Variants in GAD2 observed in about 807,000 individuals in gnomAD.
GAD2 encodes glutamate decarboxylase 2.
GAD2 carries 22 observed loss-of-function variants against 80.1 expected under a neutral mutation model. The observed-to-expected ratio is 0.27, with a 90% confidence interval of 0.20 to 0.39. The LOEUF (loss-of-function observed/expected upper bound fraction) is 0.39, where lower values mean the gene tolerates loss of function less well. Among genes scored for constraint, GAD2 ranks in the 10% least tolerant of loss-of-function variants. The pLI is 1.00. For missense variants in GAD2, 624 were observed against 738.4 expected (o/e 0.85, Z 1.80); for synonymous variants, 274 against 256.9 (o/e 1.07, Z -0.64).
intron 4 of GAD2, among the ~76,000 whole-genome samples, chr10:26,219,520 A>G (rs1844427213): frequency 1.3e-5 from 2 of 152,220 alleles, no homozygotes; most frequent in African/African-American, 4.8e-5. Flanking sequence ...ATCAGATTTT[A>G]CGTTGCATGT....
At chr10:26,240,325 C>T (rs1844724597) in intron 7 of GAD2, among the ~76,000 whole-genome samples, 1 of 152,210 alleles carries the variant, frequency 6.6e-6, no homozygotes, top group Admixed American at 6.5e-5. Flanking sequence ...TGAATATTCT[C>T]ATCCCACTCA....
chr10:26,253,877 C>A (rs1414203586), intron 8 of GAD2, among the ~76,000 whole-genome samples: 1 of 151,982 alleles, frequency 6.6e-6, no homozygotes, highest in Non-Finnish European at 1.5e-5. Flanking sequence ...ACCAGGTCCC[C>A]AACCTTTTTG....
chr10:26,279,230 A>G (rs977024253), intron 11 of GAD2, among the ~76,000 whole-genome samples: 2 of 152,202 alleles, frequency 1.3e-5, no homozygotes, highest in African/African-American at 4.8e-5. Context: ...GAGAAGCCGC[A>G]GAAGTTAAAC....
At chr10:26,221,860 A>C (rs2132270864) in intron 4 of GAD2, among the ~76,000 whole-genome samples, 3 of 152,304 alleles carry the variant, frequency 2.0e-5, no homozygotes, top group Middle Eastern at 3.4e-3. Context: ...CAGGGTGGCG[A>C]CAGCAGCAGG....
At chr10:26,289,793 C>CTT (rs35001308) in intron 13 of GAD2, among the ~76,000 whole-genome samples, 24 of 135,948 alleles carry the variant, frequency 1.8e-4, no homozygotes, top group African/African-American at 5.6e-4. Context: ...TCCCCCCCAC[C>CTT]TTTTTTTTTT....
At chr10:26,229,623 A>T in intron 6 of GAD2, 39 bp from the exon 7 acceptor site, 1 of 1,402,184 alleles carries the variant, frequency 7.1e-7, no homozygotes, top group South Asian at 1.2e-5. Context: ...AATGAGGTTG[A>T]TAATAAATAA....
intron 7 of GAD2, among the ~76,000 whole-genome samples, chr10:26,245,594 C>A (rs1488755433): frequency 6.6e-6 from 1 of 151,670 alleles, no homozygotes; most frequent in Non-Finnish European, 1.5e-5. Flanking sequence ...CCCGCCACCA[C>A]ACCCGGCTAA....
chr10:26,254,032 GAATT>G (rs755426327), intron 8 of GAD2, among the ~76,000 whole-genome samples: 3 of 152,122 alleles, frequency 2.0e-5, no homozygotes, highest in Middle Eastern at 3.4e-3. Context: ...TCTTTTAATT[GAATT>G]AATTAATTTA....
chr10:26,221,881 C>T (rs1234440145), intron 4 of GAD2, among the ~76,000 whole-genome samples: 2 of 152,210 alleles, frequency 1.3e-5, no homozygotes, highest in Admixed American at 6.5e-5. Context: ...AGGCCAAGGG[C>T]TGCAGGGACA....
chr10:26,247,380 G>A (rs190708940), intron 8 of GAD2, among the ~76,000 whole-genome samples: 7 of 144,540 alleles, frequency 4.8e-5, no homozygotes, highest in South Asian at 2.1e-4. Flanking sequence ...CTCCTATCTC[G>A]TGACTTAGAA....
chr10:26,223,920 GT>G lies in GAD2; in HGVS notation c.557del (p.Leu186TrpfsTer6). On this transcript the variant is annotated frameshift_variant, in exon 5 of 16. Transcript: ENST00000376261. LOFTEE classifies it high-confidence loss of function. ...AGATACTTCAATCAACTTTCTACTG[GT>G]TTGGATATGGTTGGATTAGCAGCAG... ...HPRYFNQLST[G>X]LDMVGLAADW... The G allele has an allele frequency of 6.2e-7, 1 of 1,609,654 alleles. No homozygotes were observed. The highest frequency in any genetic ancestry group is 8.5e-7 in the Non-Finnish European group (1 of 1,178,632).
chr10:26,222,875 A>G (rs966150889), intron 4 of GAD2, among the ~76,000 whole-genome samples: 4 of 152,362 alleles, frequency 2.6e-5, no homozygotes, highest in African/African-American at 9.6e-5. Context: ...GGCTTCAGAC[A>G]GATGTCCAGG....
intron 7 of GAD2, among the ~76,000 whole-genome samples, chr10:26,240,484 T>C (rs1270905879): frequency 6.6e-6 from 1 of 152,116 alleles, no homozygotes; most frequent in Non-Finnish European, 1.5e-5. Flanking sequence ...GAAATTACTC[T>C]TCCTTGGGAG....
chr10:26,247,808 A>G (rs556521955), intron 8 of GAD2, among the ~76,000 whole-genome samples: 71 of 150,094 alleles, frequency 4.7e-4, no homozygotes, highest in African/African-American at 1.6e-3. Context: ...ACACAGGAGA[A>G]TCGCTTGAAC....
Position 26,286,464 on chromosome 10 carries a change from T to C in GAD2, c.1356T>C (p.Val452=). Residue 452 remains valine, a synonymous_variant, in exon 13 of 16, where the codon GTT becomes GTC. Transcript: ENST00000376261. ...KALQCGRHVD[V]FKLWLMWRAK... is the part of the protein sequence containing the mutation. ...TACAGTGCGGACGCCACGTTGATGT[T>C]TTTAAACTATGGCTGATGTGGAGGG... 1 of 1,613,716 alleles carries C rather than the reference T, an allele frequency of 6.2e-7. No individual in the cohort carries two copies. Among genetic ancestry groups the C allele is most frequent in the Non-Finnish European group, 8.5e-7 (1 of 1,179,844 alleles).
chr10:26,260,600 C>T (rs908225267), intron 8 of GAD2, among the ~76,000 whole-genome samples: 3 of 152,156 alleles, frequency 2.0e-5, no homozygotes, highest in South Asian at 2.1e-4. Flanking sequence ...TGCACTCCAG[C>T]GTGGGTGCCA....
chr10:26,265,995 CCA>C (rs1247606339), intron 8 of GAD2, among the ~76,000 whole-genome samples: 1 of 152,206 alleles, frequency 6.6e-6, no homozygotes, highest in African/African-American at 2.4e-5. Flanking sequence ...TTAGTGTGTT[CCA>C]CAGTTATTTA....
At chr10:26,271,654 A>T (rs1845138391) in intron 10 of GAD2, among the ~76,000 whole-genome samples, 1 of 152,182 alleles carries the variant, frequency 6.6e-6, no homozygotes, top group Non-Finnish European at 1.5e-5. Context: ...CAAGATCCTT[A>T]TGTTGTCATG....
intron 12 of GAD2, among the ~76,000 whole-genome samples, 180 bp from the exon 13 acceptor site, chr10:26,286,165 C>A (rs1384013835): frequency 6.6e-6 from 1 of 152,170 alleles, no homozygotes; most frequent in African/African-American, 2.4e-5. Context: ...TTGACCATTA[C>A]AACAACCTAG....
Sources: allele counts gnomAD v4.1 joint callset (sites outside exome capture counted in the v4.1 genomes callset), GRCh38; gene constraint gnomAD v4.1.1; transcripts MANE v1.5; gene names NCBI Gene and HGNC (gene_info 2026-07-23, HGNC 2026-07-21).